Variants in MECOM observed in about 807,000 individuals in gnomAD.
MECOM encodes MDS1 and EVI1 complex locus, also known as histone-lysine N-methyltransferase MECOM.
MECOM carries 13 observed loss-of-function variants against 116.3 expected under a neutral mutation model. That is an observed-to-expected ratio of 0.11 (90% CI 0.07 to 0.18). The LOEUF is 0.18. MECOM is among the 10% of genes least tolerant of loss of function. The probability of loss-of-function intolerance (pLI) is 1.00; values close to 1 mark genes in which losing one functional copy is unlikely to be tolerated. For synonymous variants in MECOM, 528 were observed against 535.2 expected (o/e 0.99, Z 0.19); for missense variants, 1,299 against 1,509.0 (o/e 0.86, Z 2.31).
At chr3:169,322,997 TAAAAAAAAA>T (rs748984561) in intron 2 of MECOM, among the ~76,000 whole-genome samples, 22 of 56,022 alleles carry the variant, frequency 3.9e-4, no homozygotes, top group African/African-American at 1.3e-3. Flanking sequence ...AAGACTCCGG[TAAAAAAAAA>T]AAAAAAAAAA....
intron 1 of MECOM, among the ~76,000 whole-genome samples, chr3:169,661,599 T>C (rs1333610336): frequency 5.3e-5 from 8 of 152,030 alleles, no homozygotes; most frequent in Non-Finnish European, 1.2e-4. Context: ...TACGAGTGCT[T>C]GGGTGAGGAC....
At chr3:169,555,664 T>C (rs1461199638) in intron 1 of MECOM, among the ~76,000 whole-genome samples, 2 of 152,196 alleles carry the variant, frequency 1.3e-5, no homozygotes, top group East Asian at 1.9e-4. Flanking sequence ...AGAAGGTGTC[T>C]CCCAAGTTTT....
chr3:169,122,625 C>T lies in MECOM; in HGVS notation c.933G>A (p.Met311Ile), dbSNP rs764164163. ...NWKSNLIRHQMSHDSGKHYEC... is the reference protein window; with the variant it reads ...NWKSNLIRHQISHDSGKHYEC... ...CATAGTGCTTTCCACTGTCATGTGACATCTGGTGGCGAATTAAATTGGACT... is the reference window on the plus strand; with the variant it reads ...CATAGTGCTTTCCACTGTCATGTGATATCTGGTGGCGAATTAAATTGGACT... Residue 311 changes from methionine to isoleucine, a missense_variant, in exon 6 of 17, where the codon ATG becomes ATA. Physicochemically the swap from Met to Ile is conservative, Grantham distance 10. This residue lies in a region of MECOM where 374 missense variants were observed against 433.4 expected (regional missense o/e 0.86). Coordinates refer to ENST00000651503, the MANE Select transcript of MECOM (RefSeq NM_004991.4). 50 of 1,613,968 alleles carry T rather than the reference C, an allele frequency of 3.1e-5. 1 individual carries two copies. The South Asian group carries it at 5.2e-4, about 17-fold the overall frequency.
At position 169,312,363 on chromosome 3, in the gene MECOM, C is replaced by A. The variant is rs1052482921; in HGVS notation, c.375+68824G>T. ...GAATGAGAAGAGGCAAGAATGACTG[C>A]AATTTTTTTTTTTTTTTTTTTTTGA... is the stretch of plus-strand genomic sequence containing the variant. On this transcript the variant is annotated intron_variant, in intron 2 of 16. Coordinates refer to ENST00000651503, the MANE Select transcript of MECOM (RefSeq NM_004991.4). Among the ~76,000 whole-genome samples, 39 of 132,666 alleles carry A rather than the reference C, an allele frequency of 2.9e-4. No individual in the cohort carries two copies. The East Asian group carries it at 7.3e-3, about 25-fold the overall frequency. The allele number at this position is 132,666 out of a possible 152,430, so 87.0% of individuals were successfully genotyped here.
chr3:169,158,116 A>C (rs1386683203), intron 2 of MECOM, among the ~76,000 whole-genome samples: 1 of 152,200 alleles, frequency 6.6e-6, no homozygotes, highest in African/African-American at 2.4e-5. Context: ...TTCTCAAAAA[A>C]AGTGTTGATT....
intron 1 of MECOM, among the ~76,000 whole-genome samples, chr3:169,426,639 A>G (rs1740748634): frequency 6.6e-6 from 1 of 152,246 alleles, no homozygotes; most frequent in South Asian, 2.1e-4. Flanking sequence ...CATGAAACAT[A>G]TGAGAACCAG....
At position 169,580,648 on chromosome 3, in the gene MECOM, G is replaced by T. The variant is rs138878567; in HGVS notation, c.37+82688C>A. 6.5e-3 allele frequency among the ~76,000 whole-genome samples: 993 copies of T among 152,226 alleles called. 4 individuals carry two copies. Among genetic ancestry groups the T allele is most frequent in the Middle Eastern group, 0.017 (5 of 294 alleles). ...AAGGCAGCTCATGGAGGCTGGGAGA[G>T]ACTCTCATTCAAGTGTGAGTAATTA... On this transcript the variant is annotated intron_variant, in intron 1 of 16. Coordinates refer to ENST00000651503, the MANE Select transcript of MECOM (RefSeq NM_004991.4).
chr3:169,393,650 C>A lies in MECOM; in HGVS notation c.38-12126G>T, dbSNP rs556809969. On this transcript the variant is annotated intron_variant, in intron 1 of 16. Transcript: ENST00000651503. ...CTTACTTAGATCCAGGTGTTATTCA[C>A]TAGAATAAACAATATCTCAGTGATT... Among the ~76,000 whole-genome samples the A allele has an allele frequency of 3.3e-5, 5 of 152,212 alleles. No individual in the cohort carries two copies. In the East Asian group the frequency reaches 9.6e-4, roughly 29 times the overall value.
chr3:169,267,243 C>A (rs1758424587), intron 2 of MECOM, among the ~76,000 whole-genome samples: 1 of 152,198 alleles, frequency 6.6e-6, no homozygotes, highest in Non-Finnish European at 1.5e-5. Flanking sequence ...CTTCAGATTT[C>A]TTTTAAATTT....
At chr3:169,498,917 A>G (rs1754171660) in intron 1 of MECOM, among the ~76,000 whole-genome samples, 1 of 152,196 alleles carries the variant, frequency 6.6e-6, no homozygotes, top group Admixed American at 6.5e-5. Flanking sequence ...AACCAATTGG[A>G]AATTTTTAGA....
At chr3:169,147,827 G>T in intron 2 of MECOM, 1 of 704,566 alleles carries the variant, frequency 1.4e-6, no homozygotes, top group Non-Finnish European at 1.7e-6. Flanking sequence ...TTTCAGGGGT[G>T]TGAGGGTGTG....
intron 1 of MECOM, among the ~76,000 whole-genome samples, chr3:169,563,033 C>T (rs560345458): frequency 1.5e-3 from 222 of 145,730 alleles, no homozygotes; most frequent in African/African-American, 5.5e-3. Context: ...CATTGCACTC[C>T]AGCCTGGGTG....
intron 1 of MECOM, among the ~76,000 whole-genome samples, chr3:169,390,725 A>C (rs1734077541): frequency 6.6e-6 from 1 of 152,212 alleles, no homozygotes; most frequent in Non-Finnish European, 1.5e-5. Flanking sequence ...ATAATTACCT[A>C]AGTGTGGCTT....
At chr3:169,536,350 T>C (rs1432522192) in intron 1 of MECOM, among the ~76,000 whole-genome samples, 2 of 146,952 alleles carry the variant, frequency 1.4e-5, no homozygotes, top group Non-Finnish European at 3.0e-5. Flanking sequence ...GTCTCTCCTT[T>C]TTTTTTTTTT....
chr3:169,487,006 A>T (rs1201254317), intron 1 of MECOM, among the ~76,000 whole-genome samples: 5 of 152,050 alleles, frequency 3.3e-5, no homozygotes, highest in Non-Finnish European at 7.4e-5. Context: ...ATTTTTTTTA[A>T]TTTGTCATTA....
chr3:169,513,663 C>A (rs1043734936), intron 1 of MECOM, among the ~76,000 whole-genome samples: 2 of 152,306 alleles, frequency 1.3e-5, no homozygotes, highest in African/African-American at 4.8e-5. Flanking sequence ...GAATTCTTTC[C>A]TTTAAAACCT....
chr3:169,198,829 C>A (rs1748782001), intron 2 of MECOM, among the ~76,000 whole-genome samples: 1 of 151,780 alleles, frequency 6.6e-6, no homozygotes. Context: ...AAAGATCAAG[C>A]AGCATTTTAG....
At chr3:169,472,623 A>G (rs1426495695) in intron 1 of MECOM, among the ~76,000 whole-genome samples, 22 of 77,166 alleles carry the variant, frequency 2.9e-4, no homozygotes, top group African/African-American at 1.4e-3. Context: ...GAAAGAAAAG[A>G]AAAGAAAAGA....
At chr3:169,225,816 A>T (rs1405709961) in intron 2 of MECOM, among the ~76,000 whole-genome samples, 1 of 152,078 alleles carries the variant, frequency 6.6e-6, no homozygotes, top group Non-Finnish European at 1.5e-5. Flanking sequence ...CACCATATTG[A>T]CCAGGCTGGT....
Sources: gnomAD v4.1 joint callset for allele counts (sites outside exome capture counted in the v4.1 genomes callset) on GRCh38, gnomAD v4.1.1 for gene constraint, gnomAD v4.1.1 regional missense constraint, MANE v1.5 for transcripts, NCBI Gene and HGNC (gene_info 2026-07-23, HGNC 2026-07-21) for gene names.